The following SGCD variants were observed in gnomAD, a reference collection of about 807,000 sequenced individuals.
The protein encoded by SGCD is sarcoglycan delta.
In SGCD, 18 loss-of-function variants were observed where a neutral mutation model predicts 36.6. That is an observed-to-expected ratio of 0.49 (90% CI 0.34 to 0.73). The LOEUF is 0.73. Among genes scored for constraint, SGCD ranks in the 30% least tolerant of loss-of-function variants. SGCD has a pLI of 0.01. For synonymous variants in SGCD, 133 were observed against 130.6 expected, an observed-to-expected ratio of 1.02 and a Z score of -0.12; for missense variants, 387 against 346.7, an observed-to-expected ratio of 1.12 and a Z score of -0.92.
chr5:156,358,041 T>C (rs1268326593), intron 3 of SGCD, among the ~76,000 whole-genome samples: 1 of 152,208 alleles, frequency 6.6e-6, no homozygotes, highest in Admixed American at 6.5e-5. Flanking sequence ...GATTGGCCGA[T>C]GTATGGGAGT....
intron 3 of SGCD, among the ~76,000 whole-genome samples, chr5:156,423,398 T>A (rs13357986): frequency 0.12 from 9,075 of 74,226 alleles, 1,734 homozygotes; most frequent in South Asian, 0.2. Context: ...ATATTATATT[T>A]TATTATAATA....
At chr5:155,793,666 C>T in the SGCD span, among the ~76,000 whole-genome samples, 1 of 151,618 alleles carries the variant, frequency 6.6e-6, no homozygotes, top group African/African-American at 2.4e-5. Context: ...CTCAGCCTCC[C>T]TAGTAGCTGG....
chr5:156,323,558 G>C (rs554595790), upstream of SGCD, among the ~76,000 whole-genome samples: 1 of 138,314 alleles, frequency 7.2e-6, no homozygotes, highest in Non-Finnish European at 1.6e-5. Context: ...AAAAATGGCA[G>C]AAAATGAAGT....
At chr5:156,631,332 C>T (rs922712236) in intron 6 of SGCD, among the ~76,000 whole-genome samples, 3 of 152,002 alleles carry the variant, frequency 2.0e-5, no homozygotes, top group South Asian at 2.1e-4. Context: ...TTAGGGAAAT[C>T]GAAGAATCAA....
intron 3 of SGCD, among the ~76,000 whole-genome samples, chr5:156,491,460 C>T (rs1193896019): frequency 6.6e-6 from 1 of 151,946 alleles, no homozygotes; most frequent in East Asian, 1.9e-4. Flanking sequence ...TGTAATAACC[C>T]AAATAGCATG....
intron 6 of SGCD, among the ~76,000 whole-genome samples, chr5:156,632,993 C>T (rs757737073): frequency 4.3e-5 from 2 of 46,100 alleles, no homozygotes; most frequent in African/African-American, 1.8e-4. Context: ...TACGTTCAGT[C>T]AAGCATTATG....
At chr5:155,829,429 G>GT in the SGCD span, among the ~76,000 whole-genome samples, 1 of 152,136 alleles carries the variant, frequency 6.6e-6, no homozygotes, top group Non-Finnish European at 1.5e-5. Context: ...GCTGATTCCT[G>GT]TAAGATGCAC....
At chr5:156,011,679 C>G (rs569811235) in intron 1 of SGCD, among the ~76,000 whole-genome samples, 25 of 152,128 alleles carry the variant, frequency 1.6e-4, no homozygotes, top group Non-Finnish European at 2.9e-4. Context: ...ACCTCGTGAT[C>G]CACCTACCTC....
At chr5:155,815,713 C>G in the SGCD span, among the ~76,000 whole-genome samples, 1 of 152,188 alleles carries the variant, frequency 6.6e-6, no homozygotes, top group Admixed American at 6.5e-5. Context: ...TTTAAACAAC[C>G]AGGTCTCATG....
chr5:156,503,058 T>C lies in SGCD; in HGVS notation c.193-5543T>C, dbSNP rs539626916. Among the ~76,000 whole-genome samples the C allele has an allele frequency of 7.2e-4, 110 of 152,318 alleles. 3 individuals carry two copies. In the South Asian group the frequency reaches 0.022, roughly 31 times the overall value. On this transcript the variant is annotated intron_variant, in intron 3 of 8. Transcript: ENST00000337851. ...GGAAAAATGATGGGGATTTGGCATG[T>C]TTGAGGTGAGTTAGCTGCCATAAGA...
chr5:156,189,441 G>A (rs1405673358), intron 3 of SGCD, among the ~76,000 whole-genome samples: 1 of 152,150 alleles, frequency 6.6e-6, no homozygotes, highest in Non-Finnish European at 1.5e-5. Flanking sequence ...AACTGGAAGG[G>A]GACCTTAGTG....
intron 2 of SGCD, among the ~76,000 whole-genome samples, chr5:156,332,927 G>A (rs890557021): frequency 6.6e-6 from 1 of 152,138 alleles, no homozygotes; most frequent in Non-Finnish European, 1.5e-5. Flanking sequence ...GCTAATATCT[G>A]TTTGTTTTAC....
At chr5:156,695,004 G>T (rs1754250390) in intron 7 of SGCD, among the ~76,000 whole-genome samples, 1 of 152,112 alleles carries the variant, frequency 6.6e-6, no homozygotes, top group African/African-American at 2.4e-5. Flanking sequence ...CAGAATTTTT[G>T]TGTTTCCTTC....
chr5:156,191,548 T>A (rs1273250487), intron 3 of SGCD, among the ~76,000 whole-genome samples: 1 of 135,644 alleles, frequency 7.4e-6, no homozygotes. Context: ...TTGTTTTGCA[T>A]GTCTAGTTCT....
At chr5:156,580,330 T>C (rs1277878686) in intron 4 of SGCD, among the ~76,000 whole-genome samples, 1 of 152,226 alleles carries the variant, frequency 6.6e-6, no homozygotes, top group African/African-American at 2.4e-5. Context: ...AACCGTTCTC[T>C]TTGGCTGCCT....
chr5:156,353,772 C>T (rs540326852), intron 3 of SGCD, among the ~76,000 whole-genome samples: 1 of 152,106 alleles, frequency 6.6e-6, no homozygotes, highest in African/African-American at 2.4e-5. Flanking sequence ...TTTAAAAGCA[C>T]CATAAAAATT....
chr5:156,646,652 C>A (rs1371209133), intron 6 of SGCD, among the ~76,000 whole-genome samples: 2 of 152,158 alleles, frequency 1.3e-5, no homozygotes, highest in African/African-American at 4.8e-5. Context: ...AAAAAAGAAA[C>A]ACCTTTACTT....
chr5:155,823,424 A>C, the SGCD span, among the ~76,000 whole-genome samples: 6 of 152,114 alleles, frequency 3.9e-5, no homozygotes, highest in Admixed American at 3.9e-4. Flanking sequence ...AAAATCAACT[A>C]TACTGACTCT....
At chr5:156,126,165 G>A (rs1242680708) in intron 3 of SGCD, among the ~76,000 whole-genome samples, 1 of 152,116 alleles carries the variant, frequency 6.6e-6, no homozygotes, top group Non-Finnish European at 1.5e-5. Context: ...ACAGGCATGA[G>A]CCACCATGCC....
Sources: gnomAD v4.1 joint callset for allele counts (sites outside exome capture counted in the v4.1 genomes callset) on GRCh38, gnomAD v4.1.1 for gene constraint, MANE v1.5 for transcripts, NCBI Gene and HGNC (gene_info 2026-07-23, HGNC 2026-07-21) for gene names.